CLPB: variants seen among roughly 807,000 people sequenced by gnomAD.
The protein encoded by CLPB is mitochondrial disaggregase.
Under a neutral mutation model 78.4 loss-of-function variants are expected in CLPB, and 40 were observed. The ratio of observed to expected loss-of-function variants is 0.51; its 90% CI spans 0.40 to 0.66. The LOEUF is 0.66. Among genes scored for constraint, CLPB ranks in the 30% least tolerant of loss-of-function variants. The pLI is 0.00. For synonymous variants in CLPB, 333 were observed against 348.0 expected, an observed-to-expected ratio of 0.96 and a Z score of 0.48; for missense variants, 780 against 886.9, an observed-to-expected ratio of 0.88 and a Z score of 1.53.
At chr11:72,341,100 G>A (rs146166979) in intron 5 of CLPB, among the ~76,000 whole-genome samples, 167 of 152,322 alleles carry the variant, frequency 1.1e-3, no homozygotes, top group African/African-American at 3.9e-3. Flanking sequence ...GATTACAGGC[G>A]TGAGCCACCG....
intron 3 of CLPB, among the ~76,000 whole-genome samples, chr11:72,386,088 A>G (rs1855067246): frequency 6.6e-6 from 1 of 152,196 alleles, no homozygotes; most frequent in Non-Finnish European, 1.5e-5. Flanking sequence ...TTTCACTAGC[A>G]AAGTATGCTG....
At chr11:72,308,468 A>C in intron 8 of CLPB, 59 bp downstream of exon 8, 1 of 1,499,102 alleles carries the variant, frequency 6.7e-7, no homozygotes, top group Non-Finnish European at 9.3e-7. Context: ...GGGCTGTCAG[A>C]CTTGGGCCGG....
intron 10 of CLPB, 42 bp from the exon 11 acceptor site, chr11:72,302,006 C>T: frequency 2.5e-6 from 4 of 1,602,906 alleles, no homozygotes; most frequent in African/African-American, 1.3e-5. Flanking sequence ...CCTTTCTGTG[C>T]TTTTAGTTTC....
At chr11:72,415,457 T>C (rs988196589) in intron 2 of CLPB, among the ~76,000 whole-genome samples, 2 of 152,236 alleles carry the variant, frequency 1.3e-5, no homozygotes, top group Non-Finnish European at 2.9e-5. Context: ...TGTTTAGTCC[T>C]GAAGCTTCCT....
intron 7 of CLPB, among the ~76,000 whole-genome samples, chr11:72,309,907 G>C (rs1949814181): frequency 6.6e-6 from 1 of 152,200 alleles, no homozygotes; most frequent in Non-Finnish European, 1.5e-5. Flanking sequence ...TTTGGGATGT[G>C]TCTGCCCATC....
At chr11:72,336,338 A>T (rs141169018) in intron 5 of CLPB, among the ~76,000 whole-genome samples, 2 of 152,252 alleles carry the variant, frequency 1.3e-5, no homozygotes, top group Non-Finnish European at 2.9e-5. Context: ...TTCTGTCAGC[A>T]CACTGATCTT....
chr11:72,301,902 G>T lies in CLPB; in HGVS notation c.1230C>A (p.Thr410=), dbSNP rs150087251. 4 of 1,614,014 alleles carry T rather than the reference G, an allele frequency of 2.5e-6. No individual in the cohort carries two copies. In the African/African-American group the frequency reaches 5.3e-5, roughly 22 times the overall value. The change falls in exon 11 of 16, where the codon ACC becomes ACA. Residue 410 remains threonine (T), a synonymous_variant. Transcript: ENST00000538039. ...YVGHEEGGQL[T]KKLKQCPNAV... ...CATTGGGGCACTGCTTCAACTTCTTGGTCAGCTGGCCACCCTCCTCATGGC... is the reference window on the plus strand; with the variant it reads ...CATTGGGGCACTGCTTCAACTTCTTTGTCAGCTGGCCACCCTCCTCATGGC...
In CLPB at chr11:72,417,046, T is replaced by C. The variant is rs146821421; in HGVS notation, c.455+13266A>G. Among the ~76,000 whole-genome samples the C allele has an allele frequency of 6.0e-3, 910 of 152,308 alleles. 13 individuals carry two copies. Among genetic ancestry groups the C allele is most frequent in the African/African-American group, 0.021 (870 of 41,558 alleles). On this transcript the variant is annotated intron_variant, in intron 2 of 15. Transcript: ENST00000538039. The stretch of plus-strand genomic sequence containing the variant: ...AAATGTTAAATGTACAGTTACTCTA[T>C]GGCCCAGCAATTCCACTCCTAGGTA...
intron 2 of CLPB, among the ~76,000 whole-genome samples, chr11:72,414,604 C>G (rs1367333173): frequency 1.3e-5 from 2 of 152,336 alleles, no homozygotes; most frequent in South Asian, 4.1e-4. Context: ...CATCTCCAAG[C>G]TAGCCTCTGT....
intron 13 of CLPB, 44 bp downstream of exon 13, chr11:72,294,576 C>G (rs764818576): frequency 5.0e-6 from 8 of 1,608,532 alleles, no homozygotes; most frequent in South Asian, 1.1e-5. Context: ...TCACCCTCCC[C>G]CAACCTTAGG....
At chr11:72,331,057 ATTT>A (rs1037714507) in intron 5 of CLPB, among the ~76,000 whole-genome samples, 1 of 152,036 alleles carries the variant, frequency 6.6e-6, no homozygotes, top group Non-Finnish European at 1.5e-5. Context: ...TACTTTAAAA[ATTT>A]TTTTATTAAA....
chr11:72,299,864 C>G (rs1949623150), intron 11 of CLPB, among the ~76,000 whole-genome samples: 1 of 152,186 alleles, frequency 6.6e-6, no homozygotes, highest in Admixed American at 6.5e-5. Context: ...CCCTAAAAGG[C>G]AGTCAGTGGA....
intron 5 of CLPB, among the ~76,000 whole-genome samples, chr11:72,330,813 T>C (rs1421474377): frequency 6.6e-5 from 10 of 152,104 alleles, no homozygotes; most frequent in Non-Finnish European, 1.5e-4. Context: ...GTAATAATTA[T>C]CTAGTATTTT....
At chr11:72,302,412 G>C in intron 9 of CLPB, 64 bp from the exon 10 acceptor site, 1 of 1,426,214 alleles carries the variant, frequency 7.0e-7, no homozygotes. Flanking sequence ...AAGGGTTAGG[G>C]AGGAGAGCAC....
At chr11:72,414,396 TCA>T (rs1217648928) in intron 2 of CLPB, among the ~76,000 whole-genome samples, 1 of 152,160 alleles carries the variant, frequency 6.6e-6, no homozygotes, top group Non-Finnish European at 1.5e-5. Context: ...AGGAAACCTG[TCA>T]CACTACAGCA....
intron 4 of CLPB, among the ~76,000 whole-genome samples, chr11:72,375,127 TA>T (rs1219312953): frequency 6.6e-6 from 1 of 152,242 alleles, no homozygotes; most frequent in African/African-American, 2.4e-5. Context: ...CCAGATATTT[TA>T]AATGTTTTTT....
At position 72,294,066 on chromosome 11, in the gene CLPB, C is replaced by T. The variant is rs776835116; in HGVS notation, c.1741G>A (p.Asp581Asn). 3.5e-5 allele frequency: 57 copies of T among 1,614,042 alleles called. No homozygotes were observed. In the East Asian group the frequency reaches 1.1e-3, roughly 32 times the overall value. Reference protein sequence around the residue: ...WDREVADVLVDGYNVHYGARS... With the variant: ...WDREVADVLVNGYNVHYGARS... ...GCGCCATAGTGCACATTGTAGCCGT[C>T]GACCAGCACATCTGCCACCTCGCGG... Residue 581 changes from aspartate (D) to asparagine (N), a missense_variant, in exon 15 of 16, where the codon GAC (aspartate) becomes AAC (asparagine). Around this residue, in one of 3 missense-constraint regions of CLPB, gnomAD observed 272 missense variants for 304.0 expected, o/e 0.89. Coordinates refer to ENST00000538039, the MANE Select transcript of CLPB (RefSeq NM_001258392.3).
intron 2 of CLPB, chr11:72,428,757 C>T (rs1185561441): frequency 2.6e-5 from 4 of 152,220 alleles, no homozygotes; most frequent in Admixed American, 2.6e-4. Context: ...AGACACTATC[C>T]ACACGAGAAT....
chr11:72,372,031 T>TC (rs1951051842), intron 4 of CLPB, among the ~76,000 whole-genome samples: 1 of 152,240 alleles, frequency 6.6e-6, no homozygotes, highest in African/African-American at 2.4e-5. Context: ...TCGTAAGTAC[T>TC]CCAATTTGGG....
Sources: gnomAD v4.1 joint callset for allele counts (sites outside exome capture counted in the v4.1 genomes callset) on GRCh38, gnomAD v4.1.1 for gene constraint, gnomAD v4.1.1 regional missense constraint, MANE v1.5 for transcripts, NCBI Gene and HGNC (gene_info 2026-07-23, HGNC 2026-07-21) for gene names.